Variants in SVEP1 observed in about 807,000 individuals in gnomAD.
SVEP1 encodes the protein sushi, von Willebrand factor type A, EGF and pentraxin domain containing 1.
SVEP1 carries 164 observed loss-of-function variants against 367.3 expected under a neutral mutation model. The ratio of observed to expected loss-of-function variants is 0.45; its 90% CI spans 0.39 to 0.51. The LOEUF is 0.51. Among genes scored for constraint, SVEP1 ranks in the 20% least tolerant of loss-of-function variants. The pLI is 0.00. For synonymous variants in SVEP1, 1,666 were observed against 1,611.6 expected, an observed-to-expected ratio of 1.03 and a Z score of -0.81; for missense variants, 4,117 against 4,425.3, an observed-to-expected ratio of 0.93 and a Z score of 1.98.
At chr9:110,413,712 A>T (rs974897733) in intron 36 of SVEP1, among the ~76,000 whole-genome samples, 4 of 152,080 alleles carry the variant, frequency 2.6e-5, no homozygotes, top group Admixed American at 2.6e-4. Flanking sequence ...TGTTCTGTCA[A>T]TGAGATAGAA....
At chr9:110,431,145 T>G (rs1449778806) in intron 32 of SVEP1, among the ~76,000 whole-genome samples, 2 of 152,182 alleles carry the variant, frequency 1.3e-5, no homozygotes, top group Admixed American at 6.5e-5. Context: ...GAGGTAAGCA[T>G]AAAGATGTAT....
intron 27 of SVEP1, among the ~76,000 whole-genome samples, chr9:110,436,915 A>T (rs1381358521): frequency 6.6e-6 from 1 of 152,206 alleles, no homozygotes; most frequent in African/African-American, 2.4e-5. Flanking sequence ...AACTTTCTAA[A>T]GTTGCCAGGA....
intron 27 of SVEP1, among the ~76,000 whole-genome samples, chr9:110,437,470 C>T (rs1828447821): frequency 6.6e-6 from 1 of 152,130 alleles, no homozygotes. Flanking sequence ...AGTGATGCTA[C>T]CTGTTTCCTG....
Position 110,528,156 on chromosome 9 carries a change from G to GTGTGTGTGTGTGTATATATATA in SVEP1, c.965-14051_965-14050insTATATATATACACACACACACA. Among the ~76,000 whole-genome samples the GTGTGTGTGTGTGTATATATATA allele has an allele frequency of 8.5e-4, 29 of 33,932 alleles. 1 individual carries two copies. Among genetic ancestry groups the GTGTGTGTGTGTGTATATATATA allele is most frequent in the Non-Finnish European group, 9.7e-4 (17 of 17,530 alleles). The allele number at this position is 33,932 out of a possible 152,430, so 22.3% of individuals were successfully genotyped here. ...CGTGTGTGTGTGTGTGTGTGTGTGT[G>GTGTGTGTGTGTGTATATATATA]TATATATATATATATATATATATAT... is the stretch of plus-strand genomic sequence containing the variant. On this transcript the variant is annotated intron_variant, in intron 3 of 47. Coordinates refer to ENST00000374469, the MANE Select transcript of SVEP1 (RefSeq NM_153366.4).
intron 1 of SVEP1, among the ~76,000 whole-genome samples, chr9:110,571,459 T>G (rs560721560): frequency 3.3e-5 from 5 of 152,072 alleles, no homozygotes; most frequent in African/African-American, 1.2e-4. Flanking sequence ...TCCCTGATGG[T>G]AGGAGCTCCA....
intron 3 of SVEP1, among the ~76,000 whole-genome samples, chr9:110,530,302 T>C (rs993266054): frequency 2.0e-5 from 3 of 152,172 alleles, no homozygotes; most frequent in African/African-American, 7.2e-5. Context: ...ATCAGAGATA[T>C]TGGTCTGTAA....
At chr9:110,537,176 A>G (rs929108152) in intron 3 of SVEP1, among the ~76,000 whole-genome samples, 2 of 151,996 alleles carry the variant, frequency 1.3e-5, no homozygotes, top group African/African-American at 4.8e-5. Context: ...AGTGACATCA[A>G]TTTAACACAA....
At chr9:110,510,076 A>C (rs1416893947) in intron 5 of SVEP1, among the ~76,000 whole-genome samples, 1 of 152,228 alleles carries the variant, frequency 6.6e-6, no homozygotes. Flanking sequence ...AGTGATGCCC[A>C]GGGGGTTCCA....
intron 27 of SVEP1, among the ~76,000 whole-genome samples, chr9:110,437,269 C>T (rs1261801347): frequency 6.6e-6 from 1 of 152,156 alleles, no homozygotes; most frequent in Non-Finnish European, 1.5e-5. Flanking sequence ...TTTTCTATTT[C>T]TGAAGAGATC....
At chr9:110,383,636 C>G (rs1270448557) in intron 43 of SVEP1, among the ~76,000 whole-genome samples, 2 of 152,210 alleles carry the variant, frequency 1.3e-5, no homozygotes, top group African/African-American at 4.8e-5. Context: ...CTTGGCAGAG[C>G]AGGTAAACTG....
intron 36 of SVEP1, among the ~76,000 whole-genome samples, chr9:110,415,139 G>C (rs1343871471): frequency 2.6e-5 from 4 of 152,010 alleles, no homozygotes; most frequent in African/African-American, 9.7e-5. Context: ...GAATTTGGAA[G>C]GCCAAGTTTA....
At chr9:110,460,407 A>G (rs1828839759) in intron 18 of SVEP1, among the ~76,000 whole-genome samples, 1 of 152,348 alleles carries the variant, frequency 6.6e-6, no homozygotes, top group Non-Finnish European at 1.5e-5. Context: ...CTTATCAATC[A>G]TGTACTATAA....
In SVEP1 at chr9:110,481,286, C is replaced by A. The variant is rs767206063; in HGVS notation, c.2321G>T (p.Gly774Val). ...TDKYYCAYEDGVWKPTYTTEW... is the reference protein window; with the variant it reads ...TDKYYCAYEDVVWKPTYTTEW... The stretch of plus-strand genomic sequence containing the variant: ...AGTGGTATATGTTGGTTTCCAGACG[C>A]CATCTTCATAAGCACAATAATACTT... The change falls in exon 12 of 48, where the codon GGC (glycine) becomes GTC (valine). Residue 774 changes from glycine to valine, a missense_variant. Around this residue, in one of 4 missense-constraint regions of SVEP1, gnomAD observed 2,174 missense variants for 2,494.3 expected, o/e 0.87. Transcript: ENST00000374469. 2.5e-6 allele frequency: 4 copies of A among 1,604,896 alleles called. No homozygotes were observed. In the African/African-American group the frequency reaches 5.4e-5, roughly 21 times the overall value.
chr9:110,505,660 T>C lies in SVEP1; in HGVS notation c.1304-2443A>G, dbSNP rs545620241. On this transcript the variant is annotated intron_variant, in intron 5 of 47. Transcript: ENST00000374469. ...TTGAAGTATCATATTATATATCCAA[T>C]AACCTTTTTTAAATTCTCTCTCTCT... Among the ~76,000 whole-genome samples the C allele has an allele frequency of 1.4e-4, 22 of 152,208 alleles. No individual in the cohort carries two copies. The South Asian group carries it at 3.7e-3, about 26-fold the overall frequency.
chr9:110,465,276 A>G (rs1350546666), intron 18 of SVEP1, among the ~76,000 whole-genome samples: 2 of 151,888 alleles, frequency 1.3e-5, no homozygotes, highest in Non-Finnish European at 2.9e-5. Context: ...ATCACTTCAA[A>G]TAATCACCTG....
intron 45 of SVEP1, chr9:110,377,027 AAATT>A (rs1446229863): frequency 2.7e-6 from 1 of 364,034 alleles, no homozygotes; most frequent in East Asian, 4.2e-5. Context: ...AGACTTTTGC[AAATT>A]TGTGCCAGGG....
chr9:110,459,881 T>A (rs1376880700), intron 18 of SVEP1, among the ~76,000 whole-genome samples: 2 of 152,128 alleles, frequency 1.3e-5, no homozygotes, highest in Non-Finnish European at 2.9e-5. Flanking sequence ...TTAGAAATTT[T>A]ATTTCTCCTG....
chr9:110,579,176 G>A lies in SVEP1; in HGVS notation c.368C>T (p.Ala123Val). Reference protein sequence around the residue: ...FPVVPTATRVAIVTFSSKNYV... With the variant: ...FPVVPTATRVVIVTFSSKNYV... ...GTTCTTGGACGAGAAGGTCACGATGGCCACGCGCGTGGCCGTGGGCACCAC... is the reference window on the plus strand; with the variant it reads ...GTTCTTGGACGAGAAGGTCACGATGACCACGCGCGTGGCCGTGGGCACCAC... Residue 123 changes from alanine (A) to valine (V), a missense_variant, in exon 1 of 48, where the codon GCC becomes GTC. By Grantham distance (64) the Ala-to-Val change is moderately conservative. This residue lies in a region of SVEP1 where 2,174 missense variants were observed against 2,494.3 expected (regional missense o/e 0.87). Transcript: ENST00000374469. The surrounding 1 kb of genome is among the most constrained non-coding windows in gnomAD (Gnocchi z 5.3). 1 of 1,566,714 alleles carries A rather than the reference G, an allele frequency of 6.4e-7. No homozygotes were observed. Among genetic ancestry groups the A allele is most frequent in the Non-Finnish European group, 8.6e-7 (1 of 1,156,746 alleles).
At chr9:110,428,055 G>A (rs747511300) in intron 35 of SVEP1, among the ~76,000 whole-genome samples, 39 of 152,120 alleles carry the variant, frequency 2.6e-4, no homozygotes, top group Admixed American at 5.9e-4. Flanking sequence ...GTGAAGAGCA[G>A]ATTACTTGGA....
Sources: gnomAD v4.1 joint callset for allele counts (sites outside exome capture counted in the v4.1 genomes callset) on GRCh38, gnomAD v4.1.1 for gene constraint, gnomAD v4.1.1 regional missense constraint, Gnocchi (gnomAD v3.1) non-coding constraint, MANE v1.5 for transcripts, NCBI Gene and HGNC (gene_info 2026-07-23, HGNC 2026-07-21) for gene names.